Variants in REDIC1 observed in about 807,000 individuals in gnomAD.
The protein encoded by REDIC1 is HEI10 Interacting Protein 1.
chr12:39,802,855 A>G, the REDIC1 span, among the ~76,000 whole-genome samples: 1 of 152,180 alleles, frequency 6.6e-6, no homozygotes. Context: ...TGAGATTTCA[A>G]TGAATAATCT....
the REDIC1 span, among the ~76,000 whole-genome samples, chr12:39,711,010 G>A: frequency 6.0e-5 from 9 of 150,978 alleles, no homozygotes; most frequent in South Asian, 4.2e-4. Context: ...AGTATACACC[G>A]CACCATATTT....
chr12:39,870,121 T>C, the REDIC1 span, among the ~76,000 whole-genome samples: 1 of 152,184 alleles, frequency 6.6e-6, no homozygotes, highest in African/African-American at 2.4e-5. Flanking sequence ...CACAGGTTGC[T>C]AGAAATAATG....
chr12:39,839,809 C>G, the REDIC1 span, among the ~76,000 whole-genome samples: 1 of 152,062 alleles, frequency 6.6e-6, no homozygotes, highest in African/African-American at 2.4e-5. Flanking sequence ...AGTGCCAGAA[C>G]TACACTTCCA....
At chr12:39,796,702 G>T in the REDIC1 span, among the ~76,000 whole-genome samples, 1 of 152,096 alleles carries the variant, frequency 6.6e-6, no homozygotes, top group South Asian at 2.1e-4. Context: ...TAATATGATT[G>T]AAATCAACTT....
At chr12:39,729,200 G>A in the REDIC1 span, among the ~76,000 whole-genome samples, 9 of 152,036 alleles carry the variant, frequency 5.9e-5, no homozygotes, top group African/African-American at 2.2e-4. Flanking sequence ...TCTTCTGCTA[G>A]CTTTTGAATT....
At chr12:39,737,341 G>C in the REDIC1 span, among the ~76,000 whole-genome samples, 3 of 152,164 alleles carry the variant, frequency 2.0e-5, no homozygotes, top group African/African-American at 7.2e-5. Flanking sequence ...CTAGTGTCTA[G>C]CATTTCTTTC....
At chr12:39,731,319 G>A in the REDIC1 span, among the ~76,000 whole-genome samples, 2 of 152,064 alleles carry the variant, frequency 1.3e-5, no homozygotes, top group Non-Finnish European at 2.9e-5. Flanking sequence ...TGATGTTGGT[G>A]ACCTTCGGAT....
At chr12:39,896,009 T>C in the REDIC1 span, among the ~76,000 whole-genome samples, 1 of 147,132 alleles carries the variant, frequency 6.8e-6, no homozygotes, top group African/African-American at 2.5e-5. Flanking sequence ...TATATATACA[T>C]GTGTATATGT....
At chr12:39,632,039 A>G in the REDIC1 span, among the ~76,000 whole-genome samples, 34 of 115,902 alleles carry the variant, frequency 2.9e-4, no homozygotes, top group East Asian at 7.8e-3. Context: ...TTACATATAT[A>G]TGTGTAAATT....
chr12:39,702,137 T>C, the REDIC1 span, among the ~76,000 whole-genome samples: 10 of 152,012 alleles, frequency 6.6e-5, no homozygotes, highest in African/African-American at 2.4e-4. Context: ...TTCAAAAAAT[T>C]AATGAATTTG....
chr12:39,700,438 A>G, the REDIC1 span, among the ~76,000 whole-genome samples: 1 of 152,346 alleles, frequency 6.6e-6, no homozygotes, highest in Admixed American at 6.5e-5. Flanking sequence ...GGACTATGTG[A>G]AAAGACCAAA....
the REDIC1 span, among the ~76,000 whole-genome samples, chr12:39,797,310 T>A: frequency 5.8e-4 from 89 of 152,332 alleles, 1 homozygote; most frequent in Non-Finnish European, 1.1e-3. Context: ...ATGCTAACAT[T>A]TTCAGCATAC....
At chr12:39,683,180 T>G in the REDIC1 span, 6 of 1,511,406 alleles carry the variant, frequency 4.0e-6, no homozygotes, top group Non-Finnish European at 5.3e-6. Context: ...CATATTCTTT[T>G]TTTCTTTCAG....
chr12:39,858,124 T>A, the REDIC1 span, among the ~76,000 whole-genome samples: 1 of 152,202 alleles, frequency 6.6e-6, no homozygotes, highest in Non-Finnish European at 1.5e-5. Flanking sequence ...TCTTGTATCC[T>A]TCCATGACAG....
chr12:39,870,677 C>G, the REDIC1 span, among the ~76,000 whole-genome samples: 1 of 152,122 alleles, frequency 6.6e-6, no homozygotes, highest in African/African-American at 2.4e-5. Flanking sequence ...TGGCTGTTGG[C>G]AATCATGTTT....
the REDIC1 span, among the ~76,000 whole-genome samples, chr12:39,845,627 T>C: frequency 1.3e-5 from 2 of 152,046 alleles, no homozygotes; most frequent in Non-Finnish European, 2.9e-5. Flanking sequence ...TGACATTTGG[T>C]TGGAAGTTGT....
the REDIC1 span, among the ~76,000 whole-genome samples, chr12:39,731,787 A>G: frequency 6.7e-6 from 1 of 150,052 alleles, no homozygotes; most frequent in Non-Finnish European, 1.5e-5. Flanking sequence ...TCTCAGGGAG[A>G]TGGGAGTTTT....
At chr12:39,907,432 G>A in the REDIC1 span, among the ~76,000 whole-genome samples, 2 of 152,086 alleles carry the variant, frequency 1.3e-5, no homozygotes, top group African/African-American at 4.8e-5. Context: ...ATCTTTTTGT[G>A]TAGCACTCAA....
At chr12:39,670,289 C>T in the REDIC1 span, among the ~76,000 whole-genome samples, 3 of 152,290 alleles carry the variant, frequency 2.0e-5, no homozygotes, top group Admixed American at 6.5e-5. Context: ...CTCCTGGGAG[C>T]AAGCAATTCT....
Sources: allele counts gnomAD v4.1 joint callset (sites outside exome capture counted in the v4.1 genomes callset), GRCh38; gene constraint gnomAD v4.1.1; transcripts MANE v1.5; gene names NCBI Gene and HGNC (gene_info 2026-07-23, HGNC 2026-07-21).